Variants in FHL2 observed in about 807,000 individuals in gnomAD.
The protein encoded by FHL2 is four and a half LIM domains protein 2.
Under a neutral mutation model 32.7 loss-of-function variants are expected in FHL2, and 20 were observed. The ratio of observed to expected loss-of-function variants is 0.61; its 90% CI spans 0.43 to 0.89. The LOEUF (loss-of-function observed/expected upper bound fraction) is 0.89, where lower values mean the gene tolerates loss of function less well. FHL2 is among the 40% of genes least tolerant of loss of function. The pLI, the probability that FHL2 is intolerant of heterozygous loss-of-function variation, is 0.00. For synonymous variants in FHL2, 123 were observed against 128.1 expected (o/e 0.96, Z 0.27); for missense variants, 311 against 358.6 (o/e 0.87, Z 1.07).
chr2:105,422,485 C>T (rs1209076180), intron 1 of FHL2, among the ~76,000 whole-genome samples: 3 of 151,926 alleles, frequency 2.0e-5, no homozygotes. Flanking sequence ...ATAGTTTCCT[C>T]TTGGTTTAAT....
intron 5 of FHL2, among the ~76,000 whole-genome samples, chr2:105,366,532 A>G (rs1680645248): frequency 6.6e-6 from 1 of 152,182 alleles, no homozygotes; most frequent in South Asian, 2.1e-4. Context: ...TCCTAACAGG[A>G]CAGAGACGCT....
At chr2:105,393,326 T>C (rs1247340421) in intron 2 of FHL2, among the ~76,000 whole-genome samples, 5 of 152,164 alleles carry the variant, frequency 3.3e-5, no homozygotes, top group Admixed American at 1.3e-4. Context: ...AAGCCCTTCC[T>C]GCATGCAGCC....
At chr2:105,426,410 A>C (rs1684270033) in intron 1 of FHL2, among the ~76,000 whole-genome samples, 1 of 152,212 alleles carries the variant, frequency 6.6e-6, no homozygotes, top group Non-Finnish European at 1.5e-5. Context: ...CAGAATGAAA[A>C]ACACATGGTA....
At chr2:105,436,985 G>A (rs73948412) in intron 1 of FHL2, among the ~76,000 whole-genome samples, 5,691 of 152,210 alleles carry the variant, frequency 0.037, 269 homozygotes, top group African/African-American at 0.11. Context: ...CTGTGCTTTA[G>A]GTCATGGGAA....
At chr2:105,385,116 A>G (rs1682206220) in intron 3 of FHL2, among the ~76,000 whole-genome samples, 2 of 152,198 alleles carry the variant, frequency 1.3e-5, no homozygotes, top group East Asian at 1.9e-4. Context: ...TTTCTTTTAC[A>G]TTCAGCACAG....
chr2:105,431,827 C>T (rs960931272), intron 1 of FHL2, among the ~76,000 whole-genome samples: 6 of 152,254 alleles, frequency 3.9e-5, no homozygotes, highest in East Asian at 3.9e-4. Flanking sequence ...CCAAGGCTGG[C>T]GGAGGTTTGC....
At chr2:105,431,561 T>G (rs78217826) in intron 1 of FHL2, among the ~76,000 whole-genome samples, 2,558 of 152,232 alleles carry the variant, frequency 0.017, 72 homozygotes, top group African/African-American at 0.059. Flanking sequence ...GTCAGGGCAG[T>G]GTGACTGGTG....
intron 1 of FHL2, among the ~76,000 whole-genome samples, chr2:105,432,355 A>G (rs1230728674): frequency 2.6e-5 from 4 of 152,164 alleles, no homozygotes; most frequent in African/African-American, 7.2e-5. Context: ...TTTTCTCTGA[A>G]CCTAACTGAT....
intron 1 of FHL2, among the ~76,000 whole-genome samples, chr2:105,427,478 G>T (rs115860780): frequency 2.5e-3 from 374 of 152,280 alleles, no homozygotes; most frequent in Non-Finnish European, 3.5e-3. Flanking sequence ...CAGCAGAAAA[G>T]CACCTCAATT....
At chr2:105,383,859 A>G (rs1381599055) in intron 3 of FHL2, among the ~76,000 whole-genome samples, 1 of 152,238 alleles carries the variant, frequency 6.6e-6, no homozygotes, top group East Asian at 1.9e-4. Flanking sequence ...CTTCAACTCA[A>G]TGTCTCTTTT....
intron 1 of FHL2, among the ~76,000 whole-genome samples, chr2:105,431,511 T>C (rs1031711874): frequency 3.3e-5 from 5 of 152,142 alleles, no homozygotes; most frequent in African/African-American, 1.2e-4. Flanking sequence ...TGCCAGCAGG[T>C]GCAAATGCCC....
intron 1 of FHL2, among the ~76,000 whole-genome samples, chr2:105,408,308 G>T (rs1210439066): frequency 1.3e-5 from 2 of 152,206 alleles, no homozygotes; most frequent in Non-Finnish European, 2.9e-5. Flanking sequence ...ATTTTCAAAA[G>T]ATAAGTTTGA....
intron 1 of FHL2, among the ~76,000 whole-genome samples, chr2:105,398,514 G>T (rs1300255748): frequency 6.6e-6 from 1 of 152,142 alleles, no homozygotes; most frequent in Non-Finnish European, 1.5e-5. Context: ...CGCAGCCGCC[G>T]GCTGGGACCC....
chr2:105,388,668 CAA>C (rs34817426), intron 2 of FHL2, among the ~76,000 whole-genome samples: 1,717 of 129,706 alleles, frequency 0.013, 26 homozygotes, highest in African/African-American at 0.043. Flanking sequence ...ACTAAAAATA[CAA>C]AAAAAAAAAA....
intron 2 of FHL2, 109 bp from the exon 3 acceptor site, chr2:105,386,649 A>T (rs993462375): frequency 1.2e-6 from 1 of 859,796 alleles, no homozygotes; most frequent in South Asian, 1.8e-5. Context: ...AAAGGTGGCT[A>T]ATTCCTCTGG....
chr2:105,385,697 T>C (rs1682255125), intron 3 of FHL2, among the ~76,000 whole-genome samples: 1 of 152,182 alleles, frequency 6.6e-6, no homozygotes, highest in Admixed American at 6.5e-5. Flanking sequence ...CCTTCAGCAA[T>C]CCAGGTTGGA....
intron 4 of FHL2, among the ~76,000 whole-genome samples, chr2:105,370,043 C>A (rs1054174916): frequency 6.6e-6 from 1 of 152,144 alleles, no homozygotes; most frequent in Non-Finnish European, 1.5e-5. Context: ...CAGGCGGAAG[C>A]GCAGTCTTGA....
chr2:105,375,048 T>C (rs1399013494), intron 3 of FHL2, among the ~76,000 whole-genome samples: 3 of 152,154 alleles, frequency 2.0e-5, no homozygotes, highest in Non-Finnish European at 4.4e-5. Context: ...TGTGAAGACA[T>C]GGATCTTGGC....
At chr2:105,424,466 T>A (rs2104673084) in intron 1 of FHL2, among the ~76,000 whole-genome samples, 1 of 152,364 alleles carries the variant, frequency 6.6e-6, no homozygotes, top group East Asian at 1.9e-4. Context: ...GAAGACAGTG[T>A]GGCTATTCCT....
Sources: gnomAD v4.1 joint callset for allele counts (sites outside exome capture counted in the v4.1 genomes callset) on GRCh38, gnomAD v4.1.1 for gene constraint, MANE v1.5 for transcripts, NCBI Gene and HGNC (gene_info 2026-07-23, HGNC 2026-07-21) for gene names.